Variants in SMIM13 observed in about 807,000 individuals in gnomAD.
SMIM13 encodes UPF0766 protein C6orf228.
Under a neutral mutation model 5.9 loss-of-function variants are expected in SMIM13, and 3 were observed. That is an observed-to-expected ratio of 0.51 (90% confidence interval 0.23 to 1.31). The LOEUF is 1.31. Among genes scored for constraint, SMIM13 ranks in the 40% most tolerant of loss-of-function variants. The pLI is 0.18. For missense variants in SMIM13, 85 were observed against 109.9 expected, an observed-to-expected ratio of 0.77 and a Z score of 1.01; for synonymous variants, 55 against 46.0, an observed-to-expected ratio of 1.19 and a Z score of -0.79.
At chr6:11,101,914 A>G (rs952990903) in intron 1 of SMIM13, among the ~76,000 whole-genome samples, 5 of 151,776 alleles carry the variant, frequency 3.3e-5, no homozygotes, top group Admixed American at 2.0e-4. Flanking sequence ...AATTTTTTGT[A>G]TTTTTAGTAG....
intron 1 of SMIM13, among the ~76,000 whole-genome samples, chr6:11,131,757 T>C (rs1246052887): frequency 1.3e-5 from 2 of 152,166 alleles, no homozygotes; most frequent in Non-Finnish European, 2.9e-5. Context: ...ACCCCTCTCT[T>C]ATACCAAAAT....
intron 1 of SMIM13, among the ~76,000 whole-genome samples, chr6:11,115,645 C>CTT (rs2113655436): frequency 6.6e-6 from 1 of 152,104 alleles, no homozygotes; most frequent in South Asian, 2.1e-4. Context: ...TTAACTATCC[C>CTT]ATTACCTTTG....
chr6:11,105,301 G>C (rs1273516483), intron 1 of SMIM13: 1 of 1,612,540 alleles, frequency 6.2e-7, no homozygotes. Flanking sequence ...ACCAGCAGGA[G>C]CAGGCCCATG....
chr6:11,117,887 T>C (rs1387554778), intron 1 of SMIM13, among the ~76,000 whole-genome samples: 1 of 152,046 alleles, frequency 6.6e-6, no homozygotes, highest in Non-Finnish European at 1.5e-5. Context: ...GTAGCTGGGA[T>C]TGCATGCCCA....
intron 1 of SMIM13, among the ~76,000 whole-genome samples, chr6:11,100,398 C>T (rs1757975615): frequency 2.6e-5 from 4 of 152,158 alleles, no homozygotes; most frequent in Admixed American, 2.0e-4. Flanking sequence ...ACCAGATGTT[C>T]CACAATCTCT....
intron 1 of SMIM13, among the ~76,000 whole-genome samples, chr6:11,113,976 G>GT (rs70991084): frequency 0.15 from 21,058 of 144,212 alleles, 1,686 homozygotes; most frequent in Non-Finnish European, 0.18. Flanking sequence ...TATTCTTTTT[G>GT]TTTTTTTTTT....
intron 1 of SMIM13, among the ~76,000 whole-genome samples, chr6:11,109,050 T>C (rs918372078): frequency 2.6e-5 from 4 of 152,200 alleles, no homozygotes; most frequent in African/African-American, 7.2e-5. Flanking sequence ...GTAATCCCAA[T>C]TGGGGTTGAC....
intron 1 of SMIM13, among the ~76,000 whole-genome samples, chr6:11,107,729 A>G (rs566165406): frequency 2.0e-5 from 3 of 152,318 alleles, no homozygotes; most frequent in Admixed American, 6.5e-5. Flanking sequence ...TGCCTCATTT[A>G]TGATTCTCAG....
At chr6:11,107,343 G>A (rs893272136) in intron 1 of SMIM13, among the ~76,000 whole-genome samples, 1 of 152,200 alleles carries the variant, frequency 6.6e-6, no homozygotes, top group African/African-American at 2.4e-5. Flanking sequence ...TGTATTCTCT[G>A]TCTGCAAGGA....
rs909815926 is a variant in SMIM13 at position 11,137,935 on chromosome 6, T to G, written c.*3333T>G. The G allele has an allele frequency of 1.8e-4, 28 of 152,222 alleles. No homozygotes were observed. Among genetic ancestry groups the G allele is most frequent in the African/African-American group, 6.3e-4 (26 of 41,476 alleles). 9.4% of individuals were successfully genotyped at this position (152,222 alleles called of 1,614,324 possible). On this transcript the variant is annotated 3_prime_UTR_variant, in exon 2 of 2. Transcript: ENST00000416247. Reference sequence around the variant, plus strand: ...GAGATATTAGGTTTAAAACCCATTTTAATTTTATTTTGCTGAAGGTTTGGA... The same window carrying G: ...GAGATATTAGGTTTAAAACCCATTTGAATTTTATTTTGCTGAAGGTTTGGA...
At chr6:11,113,085 C>T (rs1287808928) in intron 1 of SMIM13, among the ~76,000 whole-genome samples, 2 of 152,232 alleles carry the variant, frequency 1.3e-5, no homozygotes, top group African/African-American at 4.8e-5. Context: ...CCCGCCTGGG[C>T]CTCCCAAAGT....
intron 1 of SMIM13, among the ~76,000 whole-genome samples, chr6:11,098,906 G>A (rs1357419244): frequency 1.3e-5 from 2 of 152,090 alleles, no homozygotes; most frequent in African/African-American, 4.8e-5. Context: ...CAGATTACAT[G>A]TGTTAGTCCA....
chr6:11,103,922 C>G, intron 1 of SMIM13: 1 of 1,551,686 alleles, frequency 6.4e-7, no homozygotes, highest in Non-Finnish European at 8.7e-7. Context: ...TGGCTCGTTC[C>G]CGTAAACTGG....
intron 1 of SMIM13, among the ~76,000 whole-genome samples, chr6:11,119,031 A>G (rs752348923): frequency 1.3e-5 from 2 of 152,240 alleles, no homozygotes; most frequent in African/African-American, 4.8e-5. Flanking sequence ...GATAGATACA[A>G]GGATGTGATC....
intron 1 of SMIM13, among the ~76,000 whole-genome samples, chr6:11,126,469 G>C (rs1295276313): frequency 2.0e-5 from 3 of 152,180 alleles, no homozygotes; most frequent in African/African-American, 7.2e-5. Context: ...TTCAGCTCCA[G>C]AATTTCTGCT....
chr6:11,115,709 A>T (rs1581916719), intron 1 of SMIM13, among the ~76,000 whole-genome samples: 1 of 135,782 alleles, frequency 7.4e-6, no homozygotes. Flanking sequence ...TTTGAGACAG[A>T]GTTTCACTTT....
At chr6:11,133,201 A>G (rs975608930) in intron 1 of SMIM13, among the ~76,000 whole-genome samples, 1 of 152,206 alleles carries the variant, frequency 6.6e-6, no homozygotes, top group African/African-American at 2.4e-5. Flanking sequence ...AATTTGGAAT[A>G]TCATTAAAAT....
chr6:11,104,703 C>T (rs766557849), intron 1 of SMIM13: 40 of 1,614,090 alleles, frequency 2.5e-5, no homozygotes, highest in South Asian at 1.1e-4. Flanking sequence ...CCAGAAGTTT[C>T]GAGTACTGCA....
intron 1 of SMIM13, among the ~76,000 whole-genome samples, chr6:11,115,879 G>A (rs560708742): frequency 6.6e-6 from 1 of 151,078 alleles, no homozygotes; most frequent in South Asian, 2.1e-4. Context: ...TAGAGACAGG[G>A]TTTCTCCATG....
Sources: gnomAD v4.1 joint callset for allele counts (sites outside exome capture counted in the v4.1 genomes callset) on GRCh38, gnomAD v4.1.1 for gene constraint, MANE v1.5 for transcripts, NCBI Gene and HGNC (gene_info 2026-07-23, HGNC 2026-07-21) for gene names.